The following MFN1 variants were observed in gnomAD, a reference collection of about 807,000 sequenced individuals.
MFN1 encodes the protein mitofusin 1, also known as mitofusin-1.
In MFN1, 65 loss-of-function variants were observed where a neutral mutation model predicts 92.4. That is an observed-to-expected ratio of 0.70 (90% confidence interval 0.58 to 0.86). MFN1 has a LOEUF of 0.86. MFN1 is among the 40% of genes least tolerant of loss of function. The pLI is 0.00. For synonymous variants in MFN1, 297 were observed against 300.9 expected (o/e 0.99, Z 0.13); for missense variants, 781 against 868.0 (o/e 0.90, Z 1.26).
Position 179,364,385 on chromosome 3 carries a change from G to T in MFN1, c.625G>T (p.Glu209Ter). 1 of 1,610,096 alleles carries T rather than the reference G, an allele frequency of 6.2e-7. No homozygotes were observed. The highest frequency in any genetic ancestry group is 8.5e-7 in the Non-Finnish European group (1 of 1,176,482). The change falls in exon 6 of 18, where the codon GAA (glutamate) becomes TAA (stop). Residue 209 changes from glutamate to a stop codon, truncating the protein, a stop_gained. Transcript: ENST00000471841. LOFTEE classifies it high-confidence loss of function. ...TGTCTTTGTTTTGGTCGCAAACTCTGAATCAACACTAATGAATACGGTAGG... is the reference window on the plus strand; with the variant it reads ...TGTCTTTGTTTTGGTCGCAAACTCTTAATCAACACTAATGAATACGGTAGG... ...ADVFVLVANS[E>*]STLMNTEKHF...
chr3:179,366,358 T>C (rs1037661190), intron 7 of MFN1, among the ~76,000 whole-genome samples: 1 of 152,020 alleles, frequency 6.6e-6, no homozygotes, highest in African/African-American at 2.4e-5. Flanking sequence ...GCCAGCAGAT[T>C]GAGTTTCATA....
intron 16 of MFN1, among the ~76,000 whole-genome samples, chr3:179,388,674 A>T (rs957849843): frequency 5.9e-5 from 9 of 152,254 alleles, no homozygotes; most frequent in African/African-American, 1.9e-4. Flanking sequence ...AAGGCTGTAC[A>T]AGTTACTTAA....
At chr3:179,368,193 C>T (rs1712881144) in intron 9 of MFN1, 90 bp downstream of exon 9, 1 of 1,022,724 alleles carries the variant, frequency 9.8e-7, no homozygotes, top group Admixed American at 3.3e-5. Context: ...TTGTCTTTGT[C>T]AATAACTTTT....
chr3:179,377,155 A>C lies in MFN1; in HGVS notation c.1211A>C (p.Glu404Ala). The C allele has an allele frequency of 6.2e-7, 1 of 1,613,458 alleles. No homozygotes were observed. Among genetic ancestry groups the C allele is most frequent in the Non-Finnish European group, 8.5e-7 (1 of 1,179,756 alleles). The change falls in exon 11 of 18, where the codon GAG becomes GCG. Residue 404 changes from glutamate to alanine, a missense_variant. Glu to Ala is a moderately radical substitution (Grantham distance 107). Coordinates refer to ENST00000471841, the MANE Select transcript of MFN1 (RefSeq NM_033540.3). ...AAAAAAATCAAGGAGGTTACCGAGG[A>C]GGTGGCAAACAAAGTGGGTAACAGT... Reference protein sequence around the residue: ...VKKKIKEVTEEVANKVSCAMT... With the variant: ...VKKKIKEVTEAVANKVSCAMT...
In MFN1 at chr3:179,348,944, A is replaced by G; in HGVS notation, c.93A>G (p.Glu31=). 1 of 1,590,186 alleles carries G rather than the reference A, an allele frequency of 6.3e-7. No homozygotes were observed. Among genetic ancestry groups the G allele is most frequent in the Non-Finnish European group, 8.6e-7 (1 of 1,161,186 alleles). ...IFDQLLEFVT[E]GSHFVEATYK... ...ACCAGTTACTGGAGTTTGTTACTGA[A>G]GGATCACATTTTGTTGAAGGTTAGT... Residue 31 remains glutamate, a synonymous_variant, in exon 2 of 18, where the codon GAA becomes GAG. Transcript: ENST00000471841.
intron 4 of MFN1, among the ~76,000 whole-genome samples, chr3:179,360,037 TC>T (rs1712512847): frequency 6.6e-6 from 1 of 152,012 alleles, no homozygotes; most frequent in Admixed American, 6.6e-5. Context: ...TCCCTCAGCC[TC>T]CCGAGTAGCT....
intron 15 of MFN1, among the ~76,000 whole-genome samples, chr3:179,386,107 T>TTAAAAAA (rs1713675872): frequency 6.6e-6 from 1 of 152,354 alleles, no homozygotes; most frequent in South Asian, 2.1e-4. Flanking sequence ...ATTTGTTTCT[T>TTAAAAAA]TAAAAAATGT....
At chr3:179,367,674 C>G in intron 8 of MFN1, 82 bp downstream of exon 8, 2 of 1,268,582 alleles carry the variant, frequency 1.6e-6, no homozygotes, top group Non-Finnish European at 2.1e-6. Flanking sequence ...CCTGTAATCC[C>G]AGCACTTTGG....
intron 5 of MFN1, among the ~76,000 whole-genome samples, chr3:179,364,075 T>C (rs964073283): frequency 1.3e-5 from 2 of 152,184 alleles, no homozygotes; most frequent in African/African-American, 4.8e-5. Flanking sequence ...CCTAGTTTTA[T>C]ATTTCAGCCA....
intron 6 of MFN1, 120 bp downstream of exon 6, chr3:179,364,525 G>A (rs540691793): frequency 4.2e-6 from 3 of 717,230 alleles, no homozygotes; most frequent in East Asian, 2.7e-5. Context: ...AAACAGGCAT[G>A]AATGAAGGGG....
chr3:179,374,534 T>C (rs896201539), intron 9 of MFN1, among the ~76,000 whole-genome samples: 3 of 151,832 alleles, frequency 2.0e-5, no homozygotes, highest in African/African-American at 7.2e-5. Context: ...AACACTGATT[T>C]ATAACAACTA....
chr3:179,364,531 A>G, intron 6 of MFN1, 126 bp downstream of exon 6: 1 of 702,460 alleles, frequency 1.4e-6, no homozygotes, highest in Non-Finnish European at 2.4e-6. Context: ...GCATGAATGA[A>G]GGGGTTTGTG....
rs1713986036 is a variant in MFN1 at position 179,393,524 on chromosome 3, A to G, written c.*1465A>G. On this transcript the variant is annotated 3_prime_UTR_variant, in exon 18 of 18. Transcript: ENST00000471841. ...GCAACTCTATTTTTCAAGGTATCTTAGAAGATAACACTAGGCCATTGAAGC... is the reference window on the plus strand; with the variant it reads ...GCAACTCTATTTTTCAAGGTATCTTGGAAGATAACACTAGGCCATTGAAGC... 6.6e-6 allele frequency: 1 copy of G among 152,188 alleles called. No individual in the cohort carries two copies. The highest frequency in any genetic ancestry group is 6.5e-5 in the Admixed American group (1 of 15,282). The allele number at this position is 152,188 out of a possible 1,614,324, so 9.4% of individuals were successfully genotyped here.
chr3:179,348,886 T>C lies in MFN1; in HGVS notation c.35T>C (p.Val12Ala). The part of the protein sequence containing the change: ...AEPVSPLKHF[V>A]LAKKAITAIF... ...CCTGTTTCTCCACTGAAGCACTTTG[T>C]GCTGGCTAAGAAGGCGATTACTGCA... Residue 12 changes from valine (V) to alanine (A), a missense_variant, in exon 2 of 18, where the codon GTG (valine) becomes GCG (alanine). Coordinates refer to ENST00000471841, the MANE Select transcript of MFN1 (RefSeq NM_033540.3). The C allele has an allele frequency of 6.2e-7, 1 of 1,609,410 alleles. No homozygotes were observed. Among genetic ancestry groups the C allele is most frequent in the African/African-American group, 1.3e-5 (1 of 75,016 alleles).
At chr3:179,390,396 TTATAG>T (rs1386833368) in intron 17 of MFN1, among the ~76,000 whole-genome samples, 3 of 152,160 alleles carry the variant, frequency 2.0e-5, no homozygotes, top group African/African-American at 7.2e-5. Context: ...GAAAGGGACT[TTATAG>T]ATCGAAATTT....
At chr3:179,370,496 C>T (rs1712982625) in intron 9 of MFN1, among the ~76,000 whole-genome samples, 1 of 148,272 alleles carries the variant, frequency 6.7e-6, no homozygotes, top group African/African-American at 2.5e-5. Flanking sequence ...ACTACAACCT[C>T]CGGCTCCTGG....
chr3:179,391,113 T>TTTCA (rs1491514870), intron 17 of MFN1, among the ~76,000 whole-genome samples: 3,018 of 152,288 alleles, frequency 0.02, 94 homozygotes, highest in African/African-American at 0.069. Context: ...GTGGTGAAAC[T>TTTCA]GTGCAGTAGA....
intron 11 of MFN1, 84 bp downstream of exon 11, chr3:179,377,252 A>T (rs972043890): frequency 6.5e-7 from 1 of 1,531,506 alleles, no homozygotes; most frequent in African/African-American, 1.4e-5. Context: ...CTGTTACTTT[A>T]AAAGAATGTT....
In MFN1 at chr3:179,351,925, TCGAATAG is replaced by T. The variant is rs752119965; in HGVS notation, c.140_146del (p.Arg47ProfsTer7). On this transcript the variant is annotated frameshift_variant, in exon 3 of 18. Coordinates refer to ENST00000471841, the MANE Select transcript of MFN1 (RefSeq NM_033540.3). LOFTEE classifies it high-confidence loss of function. Reference sequence around the variant, plus strand: ...CAACATATAAGAATCCGGAACTTGATCGAATAGCCACTGAAGATGATCTGGTAGAAAT... The same window carrying T: ...CAACATATAAGAATCCGGAACTTGATCCACTGAAGATGATCTGGTAGAAAT... 3 of 1,607,338 alleles carry T rather than the reference TCGAATAG, an allele frequency of 1.9e-6. No individual in the cohort carries two copies. Among genetic ancestry groups the T allele is most frequent in the Non-Finnish European group, 2.6e-6 (3 of 1,175,402 alleles).
Sources: gnomAD v4.1 joint callset for allele counts (sites outside exome capture counted in the v4.1 genomes callset) on GRCh38, gnomAD v4.1.1 for gene constraint, MANE v1.5 for transcripts, NCBI Gene and HGNC (gene_info 2026-07-23, HGNC 2026-07-21) for gene names.